LHCGR: variants seen among roughly 807,000 people sequenced by gnomAD.
The protein encoded by LHCGR is luteinizing hormone/choriogonadotropin receptor.
A neutral mutation model predicts 60.7 loss-of-function variants in LHCGR; 55 were observed. The ratio of observed to expected loss-of-function variants is 0.91; its 90% CI spans 0.73 to 1.13. LHCGR has a LOEUF of 1.13. Ranked by LOEUF, LHCGR falls within the 50% of genes most tolerant of loss-of-function variation. The probability of loss-of-function intolerance (pLI) is 0.00; values close to 1 mark genes in which losing one functional copy is unlikely to be tolerated. For missense variants in LHCGR, 862 were observed against 836.0 expected, an observed-to-expected ratio of 1.03 and a Z score of -0.38; for synonymous variants, 337 against 316.5, an observed-to-expected ratio of 1.06 and a Z score of -0.69.
At chr2:48,722,594 C>T (rs1401296650) in intron 6 of LHCGR, among the ~76,000 whole-genome samples, 1 of 152,142 alleles carries the variant, frequency 6.6e-6, no homozygotes, top group African/African-American at 2.4e-5. Context: ...TCTCCCTGCT[C>T]TCTCTCTTCC....
intron 8 of LHCGR, among the ~76,000 whole-genome samples, chr2:48,699,636 C>T (rs1667312912): frequency 6.6e-6 from 1 of 152,262 alleles, no homozygotes; most frequent in Non-Finnish European, 1.5e-5. Flanking sequence ...TAGCCATCAT[C>T]TACCTAGGAA....
intron 1 of LHCGR, among the ~76,000 whole-genome samples, chr2:48,738,958 G>A (rs1407046920): frequency 1.3e-5 from 2 of 152,134 alleles, no homozygotes; most frequent in East Asian, 3.8e-4. Context: ...CACCTCCCTA[G>A]GCAAATCAAA....
At chr2:48,752,798 G>C (rs116745484) in intron 1 of LHCGR, among the ~76,000 whole-genome samples, 1,675 of 151,790 alleles carry the variant, frequency 0.011, 20 homozygotes, top group Middle Eastern at 0.021. Flanking sequence ...ATTGAGATCT[G>C]ACAATTAACA....
chr2:48,696,250 A>C (rs1427204316), intron 9 of LHCGR, among the ~76,000 whole-genome samples: 1 of 151,954 alleles, frequency 6.6e-6, no homozygotes, highest in Non-Finnish European at 1.5e-5. Context: ...TGAAAGAAGT[A>C]TCATGCTGTT....
At chr2:48,726,029 C>T (rs1050544110) in intron 3 of LHCGR, among the ~76,000 whole-genome samples, 3 of 152,132 alleles carry the variant, frequency 2.0e-5, no homozygotes, top group Non-Finnish European at 4.4e-5. Flanking sequence ...ACCCCTCTCC[C>T]CCACCACAGA....
intron 6 of LHCGR, among the ~76,000 whole-genome samples, chr2:48,715,488 T>A (rs1435424410): frequency 1.3e-5 from 2 of 152,228 alleles, no homozygotes; most frequent in Non-Finnish European, 2.9e-5. Flanking sequence ...TAACTTCCCT[T>A]TGCAGGATTG....
At chr2:48,744,874 A>C (rs969701258) in intron 1 of LHCGR, among the ~76,000 whole-genome samples, 1 of 152,148 alleles carries the variant, frequency 6.6e-6, no homozygotes, top group Admixed American at 6.5e-5. Flanking sequence ...GAGCTTCTGC[A>C]CAGCAAAAGA....
chr2:48,750,492 C>T (rs1418248834), intron 1 of LHCGR, among the ~76,000 whole-genome samples: 1 of 152,180 alleles, frequency 6.6e-6, no homozygotes, highest in Non-Finnish European at 1.5e-5. Flanking sequence ...CCTACAAATT[C>T]TGTTATAGGA....
rs774907148 is a variant in LHCGR at position 48,689,178 on chromosome 2, TAC to T, written c.948-331_948-330del. Among the ~76,000 whole-genome samples, 43 of 151,028 alleles carry T rather than the reference TAC, an allele frequency of 2.8e-4. No homozygotes were observed. In the South Asian group the frequency reaches 3.5e-3, roughly 12 times the overall value. ...ATATATACACACATATATACATATA[TAC>T]ACACATATATATACTATACATACAT... On this transcript the variant is annotated intron_variant, in intron 10 of 10. Coordinates refer to ENST00000294954, the MANE Select transcript of LHCGR (RefSeq NM_000233.4).
chr2:48,749,113 A>T (rs1404132649), intron 1 of LHCGR, among the ~76,000 whole-genome samples: 1 of 152,210 alleles, frequency 6.6e-6, no homozygotes, highest in Non-Finnish European at 1.5e-5. Flanking sequence ...CTGAAAGTTG[A>T]GTTTTGTTTA....
chr2:48,689,867 A>G (rs1375724450), intron 10 of LHCGR, among the ~76,000 whole-genome samples: 1 of 152,088 alleles, frequency 6.6e-6, no homozygotes, highest in Non-Finnish European at 1.5e-5. Flanking sequence ...GGCGCATGCC[A>G]CCGCACCCAG....
chr2:48,700,816 G>A (rs981962816), intron 8 of LHCGR, among the ~76,000 whole-genome samples: 7 of 152,230 alleles, frequency 4.6e-5, no homozygotes, highest in African/African-American at 1.7e-4. Context: ...GAAGTCATAA[G>A]TAAACAGAAG....
intron 6 of LHCGR, 38 bp downstream of exon 6, chr2:48,723,418 G>A (rs1267064524): frequency 7.2e-7 from 1 of 1,385,202 alleles, no homozygotes. Context: ...ACTAGCAGGA[G>A]GCTGTATGGC....
chr2:48,704,940 T>A (rs956705778), intron 8 of LHCGR, among the ~76,000 whole-genome samples: 1 of 152,212 alleles, frequency 6.6e-6, no homozygotes, highest in Non-Finnish European at 1.5e-5. Context: ...AGCTTTTGAA[T>A]GTGTTTGCTC....
chr2:48,730,752 A>T (rs1027045976), intron 2 of LHCGR, among the ~76,000 whole-genome samples: 3 of 152,236 alleles, frequency 2.0e-5, no homozygotes, highest in African/African-American at 7.2e-5. Context: ...CAGGTGCTTT[A>T]CACTTTTGAT....
chr2:48,752,513 T>G (rs912640477), intron 1 of LHCGR, among the ~76,000 whole-genome samples: 1 of 138,350 alleles, frequency 7.2e-6, no homozygotes, highest in Non-Finnish European at 1.5e-5. Flanking sequence ...AAGACTTACC[T>G]CATAATTTAA....
At chr2:48,699,457 A>C (rs1254179818) in intron 8 of LHCGR, among the ~76,000 whole-genome samples, 1 of 151,402 alleles carries the variant, frequency 6.6e-6, no homozygotes, top group African/African-American at 2.4e-5. Flanking sequence ...TGAAATAACC[A>C]CTTGCTTTAT....
chr2:48,751,866 C>G (rs1289526708), intron 1 of LHCGR, among the ~76,000 whole-genome samples: 5 of 152,168 alleles, frequency 3.3e-5, no homozygotes, highest in African/African-American at 7.2e-5. Context: ...GTAGGTACAA[C>G]ATGCAAAAAA....
intron 1 of LHCGR, among the ~76,000 whole-genome samples, chr2:48,736,442 G>T (rs527236401): frequency 6.6e-6 from 1 of 152,174 alleles, no homozygotes; most frequent in African/African-American, 2.4e-5. Context: ...TCCAGTGACA[G>T]GAAAATTTAC....
Sources: allele counts gnomAD v4.1 joint callset (sites outside exome capture counted in the v4.1 genomes callset), GRCh38; gene constraint gnomAD v4.1.1; transcripts MANE v1.5; gene names NCBI Gene and HGNC (gene_info 2026-07-23, HGNC 2026-07-21).